Variants in TGFBR3 observed in about 807,000 individuals in gnomAD.
TGFBR3 encodes transforming growth factor beta receptor type 3.
TGFBR3 carries 46 observed loss-of-function variants against 87.9 expected under a neutral mutation model. The ratio of observed to expected loss-of-function variants is 0.52; its 90% CI spans 0.41 to 0.67. The LOEUF is 0.67. Ranked by LOEUF, TGFBR3 falls within the 30% of genes least tolerant of loss-of-function variation. The pLI, the probability that TGFBR3 is intolerant of heterozygous loss-of-function variation, is 0.00. For missense variants in TGFBR3, 866 were observed against 1,041.9 expected, an observed-to-expected ratio of 0.83 and a Z score of 2.32; for synonymous variants, 381 against 391.6, an observed-to-expected ratio of 0.97 and a Z score of 0.32.
chr1:91,866,471 C>T lies in TGFBR3; in HGVS notation c.-113-4827G>A, dbSNP rs1288909862. Among the ~76,000 whole-genome samples, 3 of 152,208 alleles carry T rather than the reference C, an allele frequency of 2.0e-5. No homozygotes were observed. The East Asian group carries it at 5.8e-4, about 29-fold the overall frequency. On this transcript the variant is annotated intron_variant, in intron 1 of 16. Transcript: ENST00000212355. Reference sequence around the variant, plus strand: ...AAATATTACTGCTATATGCCAGGCACTGTTCAAGATGCCAGGGATATAGCA... The same window carrying T: ...AAATATTACTGCTATATGCCAGGCATTGTTCAAGATGCCAGGGATATAGCA...
chr1:91,823,252 A>T (rs1676517046), intron 2 of TGFBR3, among the ~76,000 whole-genome samples: 1 of 152,214 alleles, frequency 6.6e-6, no homozygotes, highest in South Asian at 2.1e-4. Context: ...AATCTACCCA[A>T]GCAACATGGA....
In TGFBR3 at chr1:91,729,837, G is replaced by A. The variant is rs191275535; in HGVS notation, c.705C>T (p.Ile235=). 334 of 1,614,148 alleles carry A rather than the reference G, an allele frequency of 2.1e-4. No homozygotes were observed. Among genetic ancestry groups the A allele is most frequent in the Non-Finnish European group, 2.5e-4 (300 of 1,180,010 alleles). Residue 235 remains isoleucine (I), a synonymous_variant, in exon 6 of 17, where the codon ATC becomes ATT. Transcript: ENST00000212355. ...SQPQNEEVHI[I]ELITPNSNPY... ...GGTTAGAGTTGGGGGTGATTAGCTC[G>A]ATGATGTGTACTTCCTCATTCTGGG...
At chr1:91,832,692 G>T (rs571109360) in intron 2 of TGFBR3, among the ~76,000 whole-genome samples, 9 of 152,266 alleles carry the variant, frequency 5.9e-5, no homozygotes, top group African/African-American at 1.9e-4. Flanking sequence ...ATCGAAGGGA[G>T]TTTCTTCTCA....
chr1:91,738,519 G>A lies in TGFBR3; in HGVS notation c.385-3560C>T, dbSNP rs1193250927. On this transcript the variant is annotated intron_variant, in intron 4 of 16. Coordinates refer to ENST00000212355, the MANE Select transcript of TGFBR3 (RefSeq NM_003243.5). ...GTGTGTGGCACCTCCCCCGACACACGTTCTCTCTCTTGCTCCTGCTTTTGC... is the reference window on the plus strand; with the variant it reads ...GTGTGTGGCACCTCCCCCGACACACATTCTCTCTCTTGCTCCTGCTTTTGC... Among the ~76,000 whole-genome samples, 5 of 152,110 alleles carry A rather than the reference G, an allele frequency of 3.3e-5. No homozygotes were observed. In the East Asian group the frequency reaches 7.7e-4, roughly 23 times the overall value.
At chr1:91,877,651 T>G (rs1678856515) in intron 1 of TGFBR3, among the ~76,000 whole-genome samples, 1 of 152,148 alleles carries the variant, frequency 6.6e-6, no homozygotes, top group Admixed American at 6.5e-5. Context: ...AAGATATAAA[T>G]ATGGAAAAAT....
At chr1:91,760,426 A>G (rs1170944321) in intron 3 of TGFBR3, among the ~76,000 whole-genome samples, 2 of 152,236 alleles carry the variant, frequency 1.3e-5, no homozygotes, top group African/African-American at 4.8e-5. Context: ...AAAAACAAGC[A>G]AACAAAAAAC....
At chr1:91,817,874 A>G (rs1161458796) in intron 2 of TGFBR3, among the ~76,000 whole-genome samples, 1 of 110,774 alleles carries the variant, frequency 9.0e-6, no homozygotes, top group Non-Finnish European at 1.9e-5. Context: ...GATGCTACTG[A>G]TAACAGAAAA....
chr1:91,733,932 G>C (rs1672860722), intron 5 of TGFBR3, among the ~76,000 whole-genome samples: 1 of 151,938 alleles, frequency 6.6e-6, no homozygotes. Context: ...CTTCTTGGGA[G>C]ACTGAAGCAG....
At chr1:91,891,243 C>T (rs1679441229) in intron 2 of TGFBR3, among the ~76,000 whole-genome samples, 1 of 151,034 alleles carries the variant, frequency 6.6e-6, no homozygotes, top group South Asian at 2.1e-4. Context: ...TGGCTCAGGC[C>T]TGTAATCCCA....
At chr1:91,850,827 C>G (rs576366617) in intron 2 of TGFBR3, among the ~76,000 whole-genome samples, 1 of 150,692 alleles carries the variant, frequency 6.6e-6, no homozygotes, top group South Asian at 2.1e-4. Flanking sequence ...GGGCTGACTC[C>G]AGAGGCTGAA....
chr1:91,778,350 T>C (rs941528217), intron 3 of TGFBR3, among the ~76,000 whole-genome samples: 8 of 152,110 alleles, frequency 5.3e-5, no homozygotes, highest in Admixed American at 1.3e-4. Flanking sequence ...TCAATGTCTT[T>C]ATATTGACAG....
At chr1:91,822,088 T>C (rs1676468869) in intron 2 of TGFBR3, among the ~76,000 whole-genome samples, 1 of 152,076 alleles carries the variant, frequency 6.6e-6, no homozygotes. Context: ...AAGCAGAGCT[T>C]TGGCAATAGT....
intron 2 of TGFBR3, among the ~76,000 whole-genome samples, chr1:91,847,792 C>CTGT (rs1677560968): frequency 6.6e-6 from 1 of 152,020 alleles, no homozygotes; most frequent in Non-Finnish European, 1.5e-5. Flanking sequence ...CTCTCATTAC[C>CTGT]GAAGAGTCCC....
intron 7 of TGFBR3, 105 bp downstream of exon 7, chr1:91,727,554 A>T: frequency 7.0e-7 from 1 of 1,418,492 alleles, no homozygotes; most frequent in Non-Finnish European, 9.9e-7. Context: ...GACAGAGCTT[A>T]GAGAGTCCAA....
chr1:91,842,491 G>C (rs1346450173), intron 2 of TGFBR3, among the ~76,000 whole-genome samples: 3 of 152,170 alleles, frequency 2.0e-5, no homozygotes, highest in Admixed American at 6.5e-5. Flanking sequence ...GTAACTTCCA[G>C]TTAAAGACCA....
chr1:91,697,528 T>G (rs1164611639), intron 15 of TGFBR3, among the ~76,000 whole-genome samples: 1 of 152,234 alleles, frequency 6.6e-6, no homozygotes, highest in African/African-American at 2.4e-5. Flanking sequence ...GGTCAGCATT[T>G]TCTTCTGCAT....
intron 7 of TGFBR3, among the ~76,000 whole-genome samples, chr1:91,726,629 C>T (rs527890982): frequency 1.1e-4 from 16 of 151,654 alleles, no homozygotes; most frequent in Admixed American, 3.9e-4. Context: ...TTTTACATGA[C>T]GTTGCCAAGG....
intron 2 of TGFBR3, among the ~76,000 whole-genome samples, chr1:91,858,898 A>C (rs1295489059): frequency 1.3e-5 from 2 of 151,840 alleles, no homozygotes; most frequent in Non-Finnish European, 2.9e-5. Context: ...TCTACCAAAA[A>C]TACAAAAATT....
chr1:91,769,383 T>C (rs1455673502), intron 3 of TGFBR3, among the ~76,000 whole-genome samples: 2 of 152,140 alleles, frequency 1.3e-5, no homozygotes, highest in African/African-American at 4.8e-5. Flanking sequence ...CTGGCATCCT[T>C]GGACTCGGCC....
Sources: gnomAD v4.1 joint callset for allele counts (sites outside exome capture counted in the v4.1 genomes callset) on GRCh38, gnomAD v4.1.1 for gene constraint, MANE v1.5 for transcripts, NCBI Gene and HGNC (gene_info 2026-07-23, HGNC 2026-07-21) for gene names.